STK39: variants seen among roughly 807,000 people sequenced by gnomAD.
STK39 encodes serine/threonine kinase 39, also known as STE20/SPS1-related proline-alanine-rich protein kinase.
Under a neutral mutation model 77.8 loss-of-function variants are expected in STK39, and 20 were observed. The observed-to-expected ratio is 0.26, with a 90% CI of 0.18 to 0.37. The LOEUF is 0.37. STK39 is among the 10% of genes least tolerant of loss of function. The pLI is 1.00. For synonymous variants in STK39, 246 were observed against 234.1 expected, an observed-to-expected ratio of 1.05 and a Z score of -0.47; for missense variants, 479 against 656.5, an observed-to-expected ratio of 0.73 and a Z score of 2.95.
At chr2:168,081,935 A>G (rs1401129362) in intron 10 of STK39, among the ~76,000 whole-genome samples, 1 of 152,132 alleles carries the variant, frequency 6.6e-6, no homozygotes, top group Non-Finnish European at 1.5e-5. Context: ...AGGCCTCCCT[A>G]GCCACATGGA....
At chr2:168,073,209 T>C (rs1229456353) in intron 12 of STK39, among the ~76,000 whole-genome samples, 1 of 152,184 alleles carries the variant, frequency 6.6e-6, no homozygotes, top group East Asian at 1.9e-4. Flanking sequence ...ATTCTCCAAA[T>C]AACAAATCAG....
In STK39 at chr2:168,222,748, C is replaced by G. The variant is rs552977979; in HGVS notation, c.208+24480G>C. Among the ~76,000 whole-genome samples, 32 of 152,260 alleles carry G rather than the reference C, an allele frequency of 2.1e-4. No individual in the cohort carries two copies. In the South Asian group the frequency reaches 5.4e-3, roughly 26 times the overall value. On this transcript the variant is annotated intron_variant, in intron 1 of 17. Transcript: ENST00000355999. Reference sequence around the variant, plus strand: ...TGTTTATTGCATGACGGTGAATTCTCTAGTCAGTGAATTCTCAATTAGCCA... The same window carrying G: ...TGTTTATTGCATGACGGTGAATTCTGTAGTCAGTGAATTCTCAATTAGCCA...
intron 8 of STK39, among the ~76,000 whole-genome samples, chr2:168,132,743 A>C (rs1395877306): frequency 6.6e-6 from 1 of 152,090 alleles, no homozygotes; most frequent in Non-Finnish European, 1.5e-5. Context: ...CATTCCCATC[A>C]TGTATTTTTC....
At chr2:167,999,646 C>T (rs1369848090) in intron 16 of STK39, among the ~76,000 whole-genome samples, 2 of 151,822 alleles carry the variant, frequency 1.3e-5, no homozygotes, top group African/African-American at 2.4e-5. Flanking sequence ...GTATTTTTAG[C>T]AGAGATGGGG....
intron 10 of STK39, among the ~76,000 whole-genome samples, chr2:168,114,821 G>A (rs1336727529): frequency 6.6e-6 from 1 of 152,124 alleles, no homozygotes; most frequent in East Asian, 1.9e-4. Flanking sequence ...TGATGAAAAC[G>A]GCGTGGTCTT....
chr2:167,986,253 A>G (rs1178754993), intron 16 of STK39, among the ~76,000 whole-genome samples: 1 of 152,182 alleles, frequency 6.6e-6, no homozygotes, highest in Non-Finnish European at 1.5e-5. Flanking sequence ...ATTTGAAAGA[A>G]CGACAGGAGA....
At chr2:168,068,001 C>T (rs1408111857) in intron 12 of STK39, among the ~76,000 whole-genome samples, 3 of 152,130 alleles carry the variant, frequency 2.0e-5, no homozygotes, top group South Asian at 2.1e-4. Context: ...ACAGCTTACA[C>T]GGTAGCAGGC....
intron 10 of STK39, among the ~76,000 whole-genome samples, chr2:168,117,923 T>C (rs1687300081): frequency 6.6e-6 from 1 of 152,104 alleles, no homozygotes; most frequent in Non-Finnish European, 1.5e-5. Flanking sequence ...GAAAAGACAG[T>C]ACAACTATAG....
Position 168,230,650 on chromosome 2 carries a change from T to C in STK39, c.208+16578A>G, listed in dbSNP as rs181992728. ...AGCTATAGATAGCTGATACAGGGAATGTCAGAATCCATGATGAGAGAACCG... is the reference window on the plus strand; with the variant it reads ...AGCTATAGATAGCTGATACAGGGAACGTCAGAATCCATGATGAGAGAACCG... On this transcript the variant is annotated intron_variant, in intron 1 of 17. Coordinates refer to ENST00000355999, the MANE Select transcript of STK39 (RefSeq NM_013233.3). Among the ~76,000 whole-genome samples, 462 of 152,282 alleles carry C rather than the reference T, an allele frequency of 3.0e-3. 3 individuals are homozygous for C. The highest frequency in any genetic ancestry group is 9.8e-3 in the African/African-American group (407 of 41,550).
intron 16 of STK39, among the ~76,000 whole-genome samples, chr2:167,999,746 A>G (rs913933251): frequency 1.1e-4 from 17 of 152,234 alleles, no homozygotes; most frequent in Middle Eastern, 3.4e-3. Context: ...ACAGGCATGA[A>G]CCACTGCGCC....
chr2:168,224,118 A>C (rs1032622757), intron 1 of STK39, among the ~76,000 whole-genome samples: 5 of 152,120 alleles, frequency 3.3e-5, no homozygotes, highest in Non-Finnish European at 2.9e-5. Context: ...ATATTCACAT[A>C]AACTTTGGCA....
At chr2:167,981,494 A>G (rs193077401) in intron 16 of STK39, among the ~76,000 whole-genome samples, 38 of 152,348 alleles carry the variant, frequency 2.5e-4, no homozygotes, top group African/African-American at 8.7e-4. Context: ...GTTTAAAGGG[A>G]ACTTTTTGCA....
intron 1 of STK39, among the ~76,000 whole-genome samples, chr2:168,210,797 G>A (rs1689870585): frequency 6.6e-6 from 1 of 152,164 alleles, no homozygotes. Flanking sequence ...TGAAATTACA[G>A]ACGTGAGCCA....
intron 14 of STK39, among the ~76,000 whole-genome samples, chr2:168,024,128 G>A (rs971459891): frequency 2.0e-5 from 3 of 152,142 alleles, no homozygotes; most frequent in Admixed American, 6.5e-5. Flanking sequence ...CCTACTCTGG[G>A]CACCAAACCA....
chr2:168,079,571 C>T (rs1686173261), intron 10 of STK39, among the ~76,000 whole-genome samples: 1 of 152,254 alleles, frequency 6.6e-6, no homozygotes, highest in Admixed American at 6.5e-5. Context: ...TGCTACAACC[C>T]TGCCCCTCCA....
At chr2:167,979,892 C>A (rs1271412927) in intron 16 of STK39, among the ~76,000 whole-genome samples, 4 of 152,196 alleles carry the variant, frequency 2.6e-5, no homozygotes, top group African/African-American at 9.7e-5. Flanking sequence ...TCTAGAGGCA[C>A]AAAGCAAAGT....
intron 1 of STK39, among the ~76,000 whole-genome samples, chr2:168,222,974 T>C (rs1690212612): frequency 6.6e-6 from 1 of 152,222 alleles, no homozygotes; most frequent in African/African-American, 2.4e-5. Flanking sequence ...ATTATCATAA[T>C]CATCATTGTC....
chr2:168,202,045 C>G (rs920200931), intron 1 of STK39, among the ~76,000 whole-genome samples: 5 of 152,142 alleles, frequency 3.3e-5, no homozygotes, highest in African/African-American at 1.2e-4. Flanking sequence ...GAAGTTTGGG[C>G]CCCCCGCCCC....
At chr2:168,231,577 C>T (rs1383832809) in intron 1 of STK39, among the ~76,000 whole-genome samples, 1 of 151,694 alleles carries the variant, frequency 6.6e-6, no homozygotes, top group African/African-American at 2.4e-5. Flanking sequence ...ACAGTCAACT[C>T]CTCAAGCAGA....
Sources: gnomAD v4.1 joint callset for allele counts (sites outside exome capture counted in the v4.1 genomes callset) on GRCh38, gnomAD v4.1.1 for gene constraint, MANE v1.5 for transcripts, NCBI Gene and HGNC (gene_info 2026-07-23, HGNC 2026-07-21) for gene names.